Variants in EPHA6 observed in about 807,000 individuals in gnomAD.
The protein encoded by EPHA6 is EPH receptor A6.
A neutral mutation model predicts 112.0 loss-of-function variants in EPHA6; 50 were observed. That is an observed-to-expected ratio of 0.45 (90% CI 0.36 to 0.56). The LOEUF is 0.56. EPHA6 is among the 20% of genes least tolerant of loss of function. The pLI is 0.00. For missense variants in EPHA6, 1,280 were observed against 1,417.4 expected (o/e 0.90, Z 1.56); for synonymous variants, 529 against 490.7 (o/e 1.08, Z -1.03).
At chr3:97,333,332 G>T (rs1473994648) in intron 5 of EPHA6, among the ~76,000 whole-genome samples, 1 of 151,842 alleles carries the variant, frequency 6.6e-6, no homozygotes, top group Non-Finnish European at 1.5e-5. Flanking sequence ...CCACTTTGAT[G>T]AACTCACTTA....
At chr3:97,731,682 T>C (rs924381966) in intron 15 of EPHA6, among the ~76,000 whole-genome samples, 4 of 152,058 alleles carry the variant, frequency 2.6e-5, no homozygotes, top group Non-Finnish European at 4.4e-5. Context: ...TAATAAAGTA[T>C]TTTGAGACCT....
intron 11 of EPHA6, among the ~76,000 whole-genome samples, chr3:97,560,140 C>T (rs533437428): frequency 4.8e-4 from 73 of 151,460 alleles, no homozygotes; most frequent in Non-Finnish European, 7.2e-4. Flanking sequence ...ACTCTGTTTT[C>T]CTGAAATCAT....
At chr3:96,950,824 G>C (rs1185286730) in intron 2 of EPHA6, among the ~76,000 whole-genome samples, 1 of 151,898 alleles carries the variant, frequency 6.6e-6, no homozygotes, top group African/African-American at 2.4e-5. Flanking sequence ...TTTTACTAGT[G>C]TCTATTATGT....
At chr3:97,489,685 TAA>T (rs60356185) in intron 10 of EPHA6, among the ~76,000 whole-genome samples, 44 of 133,374 alleles carry the variant, frequency 3.3e-4, no homozygotes, top group African/African-American at 3.5e-4. Context: ...GACTCCGTCT[TAA>T]AAAAAAAAAA....
Position 96,815,007 on chromosome 3 carries a change from A to C in EPHA6, c.384A>C (p.Gln128His). 6.6e-7 allele frequency: 1 copy of C among 1,514,442 alleles called. No individual in the cohort carries two copies. The allele number at this position is 1,514,442 out of a possible 1,614,324, so 93.8% of individuals were successfully genotyped here. The change falls in exon 1 of 18, where the codon CAA becomes CAC. Residue 128 changes from glutamine (Q) to histidine (H), a missense_variant and splice_region_variant. Transcript: ENST00000389672. ...PGDCSHVSNN[Q>H]VVLLDTTTVL... ...ACTGCAGTCACGTCTCCAACAACCA[A>C]GGTAAGGGACGGGGCGGAGGAGCGG...
chr3:97,194,422 T>C (rs1296334989), intron 3 of EPHA6, among the ~76,000 whole-genome samples: 2 of 152,038 alleles, frequency 1.3e-5, no homozygotes, highest in African/African-American at 2.4e-5. Context: ...TCTATTGTGG[T>C]CAGAGAAAAT....
In EPHA6 at chr3:97,749,030, G is replaced by A. The variant is rs2035826925; in HGVS notation, c.*329G>A. The A allele has an allele frequency of 6.3e-6, 2 of 319,002 alleles. No individual in the cohort carries two copies. The highest frequency in any genetic ancestry group is 1.3e-4 in the South Asian group (2 of 14,876). The allele number at this position is 319,002 out of a possible 1,614,324, so 19.8% of individuals were successfully genotyped here. On this transcript the variant is annotated 3_prime_UTR_variant, in exon 18 of 18. Transcript: ENST00000389672. ...TTAACCTAAAAAAATTTATCCAGGT[G>A]GGGCTTCCTTAGTGATGTATGTAGA...
rs534586041 is a variant in EPHA6, at chr3:97,749,011, T to A, written c.*310T>A. The stretch of plus-strand genomic sequence containing the variant: ...ATGGGAAGTGTTCACGGACTTAACC[T>A]AAAAAAATTTATCCAGGTGGGGCTT... On this transcript the variant is annotated 3_prime_UTR_variant, in exon 18 of 18. Transcript: ENST00000389672. 2 of 318,648 alleles carry A rather than the reference T, an allele frequency of 6.3e-6. No individual in the cohort carries two copies. Among genetic ancestry groups the A allele is most frequent in the Admixed American group, 8.3e-5 (2 of 24,196 alleles). 19.7% of individuals were successfully genotyped at this position (318,648 alleles called of 1,614,324 possible).
intron 3 of EPHA6, among the ~76,000 whole-genome samples, chr3:97,204,069 T>C (rs1487623118): frequency 6.6e-6 from 1 of 152,152 alleles, no homozygotes; most frequent in Non-Finnish European, 1.5e-5. Context: ...ACAACTTTTT[T>C]TTACTAAGTG....
chr3:97,430,940 G>A (rs1304511894), intron 6 of EPHA6, among the ~76,000 whole-genome samples: 2 of 151,930 alleles, frequency 1.3e-5, no homozygotes, highest in South Asian at 2.1e-4. Context: ...TTAATATCAC[G>A]TATTTGCAGT....
chr3:97,647,771 G>A (rs1031032240), intron 14 of EPHA6, among the ~76,000 whole-genome samples: 5 of 152,002 alleles, frequency 3.3e-5, no homozygotes, highest in Admixed American at 6.6e-5. Context: ...CATTCACATG[G>A]ACAACTGTTT....
At chr3:96,991,840 A>G (rs2043228938) in intron 3 of EPHA6, among the ~76,000 whole-genome samples, 1 of 152,196 alleles carries the variant, frequency 6.6e-6, no homozygotes, top group South Asian at 2.1e-4. Flanking sequence ...ACACACATGG[A>G]ACAGGGGCAG....
chr3:97,631,556 G>A (rs1365386260), intron 13 of EPHA6, among the ~76,000 whole-genome samples: 1 of 151,908 alleles, frequency 6.6e-6, no homozygotes, highest in African/African-American at 2.4e-5. Context: ...AAAGGCTTTT[G>A]ATATACATAT....
chr3:96,855,463 G>A (rs1397642942), intron 1 of EPHA6, among the ~76,000 whole-genome samples: 1 of 151,912 alleles, frequency 6.6e-6, no homozygotes, highest in African/African-American at 2.4e-5. Flanking sequence ...TTGTGTACTT[G>A]GGCAGATGCT....
chr3:97,141,806 C>A (rs1369239703), intron 3 of EPHA6, among the ~76,000 whole-genome samples: 1 of 151,894 alleles, frequency 6.6e-6, no homozygotes, highest in Non-Finnish European at 1.5e-5. Flanking sequence ...CCGACACTAG[C>A]AGAAGAACAG....
intron 7 of EPHA6, among the ~76,000 whole-genome samples, chr3:97,451,130 G>T (rs1185223818): frequency 1.3e-5 from 2 of 151,896 alleles, no homozygotes; most frequent in Non-Finnish European, 2.9e-5. Context: ...AGTTACACAG[G>T]GGCCAAACCA....
At chr3:97,502,832 C>CA (rs397990595) in intron 10 of EPHA6, among the ~76,000 whole-genome samples, 20,939 of 35,816 alleles carry the variant, frequency 0.58, 9,274 homozygotes, top group South Asian at 0.87. Flanking sequence ...GACTCTGTCT[C>CA]AAAAAAAAAA....
chr3:97,617,765 G>T (rs111594492), intron 13 of EPHA6, among the ~76,000 whole-genome samples: 3 of 152,074 alleles, frequency 2.0e-5, no homozygotes, highest in African/African-American at 7.2e-5. Flanking sequence ...ACACAGGAGC[G>T]CTCAGATTCA....
rs557537518 is a variant in EPHA6, at chr3:97,584,577, A to G, written c.2387-8035A>G. On this transcript the variant is annotated intron_variant, in intron 11 of 17. Coordinates refer to ENST00000389672, the MANE Select transcript of EPHA6 (RefSeq NM_001080448.3). ...TTGTAGACACACAAATATTGCCACT[A>G]TGATTGACTTCTGCCTGTATTATAA... is the stretch of plus-strand genomic sequence containing the variant. Among the ~76,000 whole-genome samples, 12 of 152,320 alleles carry G rather than the reference A, an allele frequency of 7.9e-5. No homozygotes were observed. The East Asian group carries it at 1.4e-3, about 17-fold the overall frequency.
Sources: gnomAD v4.1 joint callset for allele counts (sites outside exome capture counted in the v4.1 genomes callset) on GRCh38, gnomAD v4.1.1 for gene constraint, MANE v1.5 for transcripts, NCBI Gene and HGNC (gene_info 2026-07-23, HGNC 2026-07-21) for gene names.